The following TRAPPC9 variants were observed in gnomAD, a reference collection of about 807,000 sequenced individuals.
TRAPPC9 encodes the protein trafficking protein particle complex subunit 9.
In TRAPPC9, 83 loss-of-function variants were observed where a neutral mutation model predicts 124.0. The ratio of observed to expected loss-of-function variants is 0.67; its 90% CI spans 0.56 to 0.80. The LOEUF is 0.80. TRAPPC9 is among the 30% of genes least tolerant of loss of function. The probability of loss-of-function intolerance (pLI) is 0.00; values close to 1 mark genes in which losing one functional copy is unlikely to be tolerated. For synonymous variants in TRAPPC9, 638 were observed against 617.5 expected (o/e 1.03, Z -0.49); for missense variants, 1,302 against 1,508.3 (o/e 0.86, Z 2.27).
At position 140,030,343 on chromosome 8, in the gene TRAPPC9, T is replaced by C. The variant is rs1160414260; in HGVS notation, c.2557-6264A>G. ...AAGGAAGAGGTAAAACTATCTTTGT[T>C]TGCAGACAACATAATCATGTACCAA... On this transcript the variant is annotated intron_variant, in intron 17 of 22. Transcript: ENST00000438773. 2.0e-5 allele frequency among the ~76,000 whole-genome samples: 3 copies of C among 152,328 alleles called. 1 individual carries two copies. Among genetic ancestry groups the C allele is most frequent in the Middle Eastern group, 6.8e-3 (2 of 294 alleles).
chr8:139,783,483 C>G (rs1821975013), intron 21 of TRAPPC9, among the ~76,000 whole-genome samples: 1 of 152,164 alleles, frequency 6.6e-6, no homozygotes, highest in Non-Finnish European at 1.5e-5. Context: ...AAAGAAGAAA[C>G]AGCTAATCAG....
At chr8:140,184,689 C>G (rs2062311727) in intron 17 of TRAPPC9, among the ~76,000 whole-genome samples, 1 of 152,218 alleles carries the variant, frequency 6.6e-6, no homozygotes, top group Admixed American at 6.5e-5. Context: ...CCTCAGTTAT[C>G]CACCTGCCTT....
intron 19 of TRAPPC9, among the ~76,000 whole-genome samples, chr8:139,939,898 C>G (rs1833797132): frequency 6.6e-6 from 1 of 152,226 alleles, no homozygotes; most frequent in Non-Finnish European, 1.5e-5. Context: ...AAAGGCCTGC[C>G]CCTCTGGCAG....
At chr8:140,456,411 C>CAA (rs11325292) in intron 1 of TRAPPC9, among the ~76,000 whole-genome samples, 5 of 118,232 alleles carry the variant, frequency 4.2e-5, no homozygotes, top group Admixed American at 8.9e-5. Flanking sequence ...GACTCCGTCT[C>CAA]AAAAAAAAAA....
At chr8:140,401,364 G>A (rs1359772957) in intron 6 of TRAPPC9, among the ~76,000 whole-genome samples, 2 of 152,046 alleles carry the variant, frequency 1.3e-5, no homozygotes, top group African/African-American at 4.8e-5. Context: ...TATCACAGAC[G>A]ATCAGAAAAA....
At chr8:140,145,505 C>T (rs757522279) in intron 17 of TRAPPC9, among the ~76,000 whole-genome samples, 1 of 152,152 alleles carries the variant, frequency 6.6e-6, no homozygotes, top group Non-Finnish European at 1.5e-5. Context: ...AAATGGTGAA[C>T]TTTACTGAAT....
At chr8:140,352,082 A>G (rs2067601711) in intron 9 of TRAPPC9, among the ~76,000 whole-genome samples, 1 of 151,678 alleles carries the variant, frequency 6.6e-6, no homozygotes, top group Non-Finnish European at 1.5e-5. Context: ...CCTATAGTCT[A>G]TTTTGGTCAT....
chr8:140,033,676 T>TGTTG, intron 17 of TRAPPC9, among the ~76,000 whole-genome samples: 1 of 105,788 alleles, frequency 9.5e-6, no homozygotes, highest in South Asian at 3.6e-4. Context: ...TTTTTTTTTT[T>TGTTG]TTTTTTTTTT....
At chr8:139,919,247 T>C (rs1289506491) in intron 19 of TRAPPC9, among the ~76,000 whole-genome samples, 1 of 152,238 alleles carries the variant, frequency 6.6e-6, no homozygotes, top group East Asian at 1.9e-4. Context: ...GCAAGTCACT[T>C]GAGTGTCCCC....
rs1586741931 is a variant in TRAPPC9, at chr8:139,742,136, T to C, written c.3056-9934A>G. Among the ~76,000 whole-genome samples, 1 of 152,184 alleles carries C rather than the reference T, an allele frequency of 6.6e-6. No individual in the cohort carries two copies. Among genetic ancestry groups the C allele is most frequent in the African/African-American group, 2.4e-5 (1 of 41,444 alleles). On this transcript the variant is annotated intron_variant, in intron 21 of 22. Coordinates refer to ENST00000438773, the MANE Select transcript of TRAPPC9 (RefSeq NM_001160372.4). The surrounding 1 kb of genome is among the most constrained non-coding windows in gnomAD (Gnocchi z 4.7). ...GCTGCACCCCCATTCCCAGCGGCGG[T>C]GCGGGAGAGGCCTGACTGCTCCACG...
intron 17 of TRAPPC9, among the ~76,000 whole-genome samples, chr8:140,159,398 T>C (rs11782239): frequency 0.85 from 129,775 of 152,090 alleles, 55,510 homozygotes; most frequent in East Asian, 1. Context: ...TTATTGACCA[T>C]CGCCCATGCA....
intron 17 of TRAPPC9, among the ~76,000 whole-genome samples, chr8:140,054,811 G>T (rs1018449666): frequency 2.0e-5 from 3 of 151,250 alleles, no homozygotes; most frequent in Non-Finnish European, 4.4e-5. Context: ...TGGCTACATC[G>T]TAAAAAAAAA....
At chr8:140,354,121 A>C (rs2067668981) in intron 9 of TRAPPC9, among the ~76,000 whole-genome samples, 1 of 152,238 alleles carries the variant, frequency 6.6e-6, no homozygotes, top group Non-Finnish European at 1.5e-5. Flanking sequence ...AGTGAATGTG[A>C]GAGTGGGAAA....
chr8:140,158,992 G>A (rs888055373), intron 17 of TRAPPC9, among the ~76,000 whole-genome samples: 2 of 152,328 alleles, frequency 1.3e-5, no homozygotes, highest in African/African-American at 2.4e-5. Flanking sequence ...ACATCCAGAC[G>A]CTGAAGTGTA....
chr8:140,213,167 T>G (rs901584318), intron 17 of TRAPPC9, among the ~76,000 whole-genome samples: 1 of 152,106 alleles, frequency 6.6e-6, no homozygotes, highest in Non-Finnish European at 1.5e-5. Flanking sequence ...CATTTCAATT[T>G]TCTTTCTGAG....
chr8:139,900,194 G>A (rs1380730083), intron 20 of TRAPPC9, among the ~76,000 whole-genome samples: 1 of 152,190 alleles, frequency 6.6e-6, no homozygotes, highest in Non-Finnish European at 1.5e-5. Flanking sequence ...TAGACCCTGA[G>A]CCCGTGTGCG....
rs750311384 is a variant in TRAPPC9 at position 140,353,003 on chromosome 8, A to G, written c.1495+7047T>C. Among the ~76,000 whole-genome samples, 4 of 152,168 alleles carry G rather than the reference A, an allele frequency of 2.6e-5. No individual in the cohort carries two copies. Among genetic ancestry groups the G allele is most frequent in the Admixed American group, 1.3e-4 (2 of 15,288 alleles). On this transcript the variant is annotated intron_variant, in intron 9 of 22. Transcript: ENST00000438773. The surrounding 1 kb of genome is among the most constrained non-coding windows in gnomAD (Gnocchi z 4.2). Reference sequence around the variant, plus strand: ...TAGGCACTTCAGGTGTGTCATCTCCAATCCTTAAAACAATCCCACAAGGTA... The same window carrying G: ...TAGGCACTTCAGGTGTGTCATCTCCGATCCTTAAAACAATCCCACAAGGTA...
At chr8:139,796,046 A>G (rs1226842791) in intron 21 of TRAPPC9, among the ~76,000 whole-genome samples, 37 of 127,580 alleles carry the variant, frequency 2.9e-4, no homozygotes, top group African/African-American at 5.2e-4. Context: ...GGAAGAGGAG[A>G]AGGAGGAGGA....
chr8:140,431,313 C>T (rs538412220), intron 4 of TRAPPC9, among the ~76,000 whole-genome samples: 6 of 151,976 alleles, frequency 3.9e-5, no homozygotes, highest in African/African-American at 7.2e-5. Context: ...AAAAACTAGC[C>T]GGGCGTAGTG....
Sources: gnomAD v4.1 joint callset for allele counts (sites outside exome capture counted in the v4.1 genomes callset) on GRCh38, gnomAD v4.1.1 for gene constraint, Gnocchi (gnomAD v3.1) non-coding constraint, MANE v1.5 for transcripts, NCBI Gene and HGNC (gene_info 2026-07-23, HGNC 2026-07-21) for gene names.